The following GCLM variants were observed in gnomAD, a reference collection of about 807,000 sequenced individuals.
GCLM encodes glutamate--cysteine ligase regulatory subunit.
In GCLM, 15 loss-of-function variants were observed where a neutral mutation model predicts 36.0. That is an observed-to-expected ratio of 0.42 (90% CI 0.28 to 0.64). The LOEUF (loss-of-function observed/expected upper bound fraction) is 0.64. Among genes scored for constraint, GCLM ranks in the 30% least tolerant of loss-of-function variants. The pLI is 0.25. For missense variants in GCLM, 242 were observed against 325.5 expected, an observed-to-expected ratio of 0.74 and a Z score of 1.97; for synonymous variants, 129 against 122.8, an observed-to-expected ratio of 1.05 and a Z score of -0.34.
chr1:93,901,851 GTGTGTGTGTGTGTT>G (rs1035016641), intron 2 of GCLM, among the ~76,000 whole-genome samples, 182 bp from the exon 3 acceptor site: 2 of 151,416 alleles, frequency 1.3e-5, no homozygotes, highest in African/African-American at 2.4e-5. Flanking sequence ...GTAAAGTGGG[GTGTGTGTGTGTGTT>G]TGTGTGTGTG....
rs202041507 is a variant in GCLM at position 93,904,679 on chromosome 1, G to GA, written c.127-92dup. ...AAGAATATATTAATTTGATAAGCAGGAAAAAAAAGATAGCAACAGGAAATA... is the reference window on the plus strand; with the variant it reads ...AAGAATATATTAATTTGATAAGCAGGAAAAAAAAAGATAGCAACAGGAAATA... On this transcript the variant is annotated intron_variant, in intron 1 of 6. Transcript: ENST00000370238. The GA allele has an allele frequency of 1.1e-3, 904 of 813,866 alleles. 10 individuals are homozygous for GA. The African/African-American group carries it at 0.012, about 11-fold the overall frequency. The allele number at this position is 813,866 out of a possible 1,614,324, so 50.4% of individuals were successfully genotyped here.
chr1:93,906,914 C>T (rs762910708), intron 1 of GCLM, among the ~76,000 whole-genome samples: 3 of 152,064 alleles, frequency 2.0e-5, no homozygotes, highest in Non-Finnish European at 4.4e-5. Context: ...CTATAATGGT[C>T]CACTTACAAA....
chr1:93,903,074 A>G (rs1448497710), intron 2 of GCLM, among the ~76,000 whole-genome samples: 5 of 152,074 alleles, frequency 3.3e-5, no homozygotes, highest in Non-Finnish European at 7.4e-5. Context: ...GATAGTTTAT[A>G]TATGCATTCA....
At chr1:93,905,918 CA>C (rs1024753364) in intron 1 of GCLM, among the ~76,000 whole-genome samples, 6 of 152,242 alleles carry the variant, frequency 3.9e-5, no homozygotes, top group Non-Finnish European at 7.4e-5. Context: ...ATTAGATAAC[CA>C]AGGACACAGT....
intron 3 of GCLM, among the ~76,000 whole-genome samples, chr1:93,901,323 C>A (rs1459625764): frequency 1.3e-5 from 2 of 152,134 alleles, no homozygotes; most frequent in Non-Finnish European, 2.9e-5. Flanking sequence ...CTTTCTACTG[C>A]TCTGAAGTTT....
intron 2 of GCLM, among the ~76,000 whole-genome samples, chr1:93,902,795 C>G (rs891348240): frequency 1.3e-5 from 2 of 152,146 alleles, no homozygotes; most frequent in Non-Finnish European, 2.9e-5. Context: ...CATTGACATA[C>G]AAATCCTGTG....
Position 93,909,241 on chromosome 1 carries a change from G to T in GCLM, c.-78C>A. 9.0e-7 allele frequency: 1 copy of T among 1,105,834 alleles called. No individual in the cohort carries two copies. Among genetic ancestry groups the T allele is most frequent in the Non-Finnish European group, 1.1e-6 (1 of 910,298 alleles). The allele number at this position is 1,105,834 out of a possible 1,614,324, so 68.5% of individuals were successfully genotyped here. ...GGCAGGCGGCCGCCCCACAGGACGCGGTGCCCGAGGCCCGAGAGAGACCCG... is the reference window on the plus strand; with the variant it reads ...GGCAGGCGGCCGCCCCACAGGACGCTGTGCCCGAGGCCCGAGAGAGACCCG... On this transcript the variant is annotated 5_prime_UTR_variant, in exon 1 of 7. Coordinates refer to ENST00000370238, the MANE Select transcript of GCLM (RefSeq NM_002061.4).
chr1:93,892,341 T>C (rs1417549767), intron 6 of GCLM, among the ~76,000 whole-genome samples: 2 of 152,186 alleles, frequency 1.3e-5, no homozygotes, highest in Admixed American at 6.5e-5. Context: ...TTAAATGTTT[T>C]ACAGTTTTAC....
Position 93,886,327 on chromosome 1 carries a change from T to C in GCLM, c.*2663A>G, listed in dbSNP as rs958508352. Reference sequence around the variant, plus strand: ...TTATATAAACTATTGATAACTTAGCTTTCAGTTTTAAGTAATTATTTGGTA... The same window carrying C: ...TTATATAAACTATTGATAACTTAGCCTTCAGTTTTAAGTAATTATTTGGTA... On this transcript the variant is annotated 3_prime_UTR_variant, in exon 7 of 7. Coordinates refer to ENST00000370238, the MANE Select transcript of GCLM (RefSeq NM_002061.4). 1 of 152,166 alleles carries C rather than the reference T, an allele frequency of 6.6e-6. No individual in the cohort carries two copies. Among genetic ancestry groups the C allele is most frequent in the Non-Finnish European group, 1.5e-5 (1 of 67,992 alleles). 9.4% of individuals were successfully genotyped at this position (152,166 alleles called of 1,614,324 possible).
chr1:93,896,888 C>T, intron 4 of GCLM, 68 bp from the exon 5 acceptor site: 1 of 860,284 alleles, frequency 1.2e-6, no homozygotes, highest in Non-Finnish European at 2.0e-6. Flanking sequence ...CTAATGTTTT[C>T]AAAGTATCCC....
intron 6 of GCLM, 56 bp downstream of exon 6, chr1:93,894,558 C>CT: frequency 1.1e-6 from 1 of 938,606 alleles, no homozygotes. Context: ...CAACAAATAC[C>CT]TTTTTGTAAG....
intron 2 of GCLM, 154 bp downstream of exon 2, chr1:93,904,369 C>A: frequency 1.5e-6 from 1 of 647,704 alleles, no homozygotes. Flanking sequence ...ATGCATAAGC[C>A]TACTGGATCA....
Position 93,896,725 on chromosome 1 carries a change from G to T in GCLM, c.433C>A (p.Pro145Thr), listed in dbSNP as rs777843165. ...GVNLSLEHLQ[P>T]YWEELENLVQ... ...AAGTTTTCTAATTCCTCCCAGTAAGGCTGTAAATGCTCCAAGGAAAGATTA... is the reference window on the plus strand; with the variant it reads ...AAGTTTTCTAATTCCTCCCAGTAAGTCTGTAAATGCTCCAAGGAAAGATTA... The change falls in exon 5 of 7, where the codon CCT becomes ACT. Residue 145 changes from proline to threonine, a missense_variant. Transcript: ENST00000370238. The T allele has an allele frequency of 6.2e-7, 1 of 1,609,704 alleles. No homozygotes were observed. Among genetic ancestry groups the T allele is most frequent in the Non-Finnish European group, 8.5e-7 (1 of 1,175,994 alleles).
intron 6 of GCLM, among the ~76,000 whole-genome samples, chr1:93,891,289 C>G (rs531874840): frequency 6.6e-6 from 1 of 152,226 alleles, no homozygotes; most frequent in East Asian, 1.9e-4. Flanking sequence ...GCCTCACCTC[C>G]TTGCTGTATC....
Position 93,889,034 on chromosome 1 carries a change from T to G in GCLM, c.781A>C (p.Lys261Gln). 2 of 1,600,740 alleles carry G rather than the reference T, an allele frequency of 1.2e-6. No individual in the cohort carries two copies. Among genetic ancestry groups the G allele is most frequent in the Non-Finnish European group, 1.7e-6 (2 of 1,173,802 alleles). ...SVIVKSRGII[K>Q]SKGYILQAKR... The stretch of plus-strand genomic sequence containing the variant: ...GCTTGTAAAATGTAGCCTTTTGATT[T>G]GATAATTCCTCTACTTTTCACAATG... The change falls in exon 7 of 7, where the codon AAA becomes CAA. Residue 261 changes from lysine (K) to glutamine (Q), a missense_variant. Transcript: ENST00000370238.
intron 2 of GCLM, among the ~76,000 whole-genome samples, chr1:93,901,939 A>C (rs1414949464): frequency 6.6e-6 from 1 of 151,982 alleles, no homozygotes; most frequent in African/African-American, 2.4e-5. Context: ...CATGATCAAA[A>C]AAATTAAAAA....
At chr1:93,903,347 C>G (rs982911936) in intron 2 of GCLM, among the ~76,000 whole-genome samples, 1 of 151,832 alleles carries the variant, frequency 6.6e-6, no homozygotes, top group East Asian at 1.9e-4. Flanking sequence ...GTCTCACTCT[C>G]TTGCTCAGGC....
chr1:93,905,987 C>T (rs1657133756), intron 1 of GCLM, among the ~76,000 whole-genome samples: 1 of 152,182 alleles, frequency 6.6e-6, no homozygotes, highest in Non-Finnish European at 1.5e-5. Context: ...TAGAGGCAAG[C>T]CCCTGAATTG....
At chr1:93,907,448 G>T (rs144545470) in intron 1 of GCLM, among the ~76,000 whole-genome samples, 15 of 152,210 alleles carry the variant, frequency 9.9e-5, no homozygotes, top group African/African-American at 3.4e-4. Context: ...ATCTTTTTGT[G>T]AAACCTGTTT....
Sources: allele counts gnomAD v4.1 joint callset (sites outside exome capture counted in the v4.1 genomes callset), GRCh38; gene constraint gnomAD v4.1.1; transcripts MANE v1.5; gene names NCBI Gene and HGNC (gene_info 2026-07-23, HGNC 2026-07-21).